The following GALNTL6 variants were observed in gnomAD, a reference collection of about 807,000 sequenced individuals.
GALNTL6 encodes the protein polypeptide N-acetylgalactosaminyltransferase like 6, also known as polypeptide N-acetylgalactosaminyltransferase-like 6.
In GALNTL6, 46 loss-of-function variants were observed where a neutral mutation model predicts 73.7. That is an observed-to-expected ratio of 0.62 (90% CI 0.49 to 0.80). The LOEUF (loss-of-function observed/expected upper bound fraction) is 0.80. Among genes scored for constraint, GALNTL6 ranks in the 30% least tolerant of loss-of-function variants. The pLI, the probability that GALNTL6 is intolerant of heterozygous loss-of-function variation, is 0.00. For missense variants in GALNTL6, 604 were observed against 755.0 expected, an observed-to-expected ratio of 0.80 and a Z score of 2.34; for synonymous variants, 259 against 263.7, an observed-to-expected ratio of 0.98 and a Z score of 0.17.
intron 2 of GALNTL6, among the ~76,000 whole-genome samples, chr4:172,108,078 A>C (rs1004587079): frequency 2.0e-5 from 3 of 152,302 alleles, no homozygotes; most frequent in East Asian, 3.9e-4. Flanking sequence ...TACTCTGGGG[A>C]AACAGTTAAT....
intron 2 of GALNTL6, among the ~76,000 whole-genome samples, chr4:171,856,011 A>G (rs1735680692): frequency 6.6e-6 from 1 of 152,168 alleles, no homozygotes. Flanking sequence ...ATTCTTTATT[A>G]GGTATATATT....
At chr4:172,423,685 T>A (rs2111366888) in intron 5 of GALNTL6, among the ~76,000 whole-genome samples, 1 of 152,272 alleles carries the variant, frequency 6.6e-6, no homozygotes, top group African/African-American at 2.4e-5. Context: ...AATTTTTTCC[T>A]CTACTTTCCT....
chr4:172,451,629 G>A (rs983496006), intron 5 of GALNTL6, among the ~76,000 whole-genome samples: 1 of 152,056 alleles, frequency 6.6e-6, no homozygotes, highest in African/African-American at 2.4e-5. Context: ...TTGAAGAAGT[G>A]GTTATATATA....
intron 5 of GALNTL6, among the ~76,000 whole-genome samples, chr4:172,598,673 C>G (rs190744994): frequency 6.6e-6 from 1 of 152,054 alleles, no homozygotes; most frequent in African/African-American, 2.4e-5. Flanking sequence ...AATTTTGGTA[C>G]CTATCATCCA....
rs547071997 is a variant in GALNTL6, at chr4:172,804,993, A to G, written c.554-4368A>G. 9.8e-5 allele frequency among the ~76,000 whole-genome samples: 15 copies of G among 152,348 alleles called. No individual in the cohort carries two copies. In the East Asian group the frequency reaches 2.9e-3, roughly 29 times the overall value. ...CAACCAATGGGATGCTTTTAAAAGGAAAAACTAAGGATTTGAGGGGACTGA... is the reference window on the plus strand; with the variant it reads ...CAACCAATGGGATGCTTTTAAAAGGGAAAACTAAGGATTTGAGGGGACTGA... On this transcript the variant is annotated intron_variant, in intron 5 of 12. Coordinates refer to ENST00000506823, the MANE Select transcript of GALNTL6 (RefSeq NM_001034845.3).
At chr4:172,592,717 G>T (rs144412170) in intron 5 of GALNTL6, among the ~76,000 whole-genome samples, 2 of 82,342 alleles carry the variant, frequency 2.4e-5, no homozygotes, top group East Asian at 5.5e-4. Context: ...TCTATCTATC[G>T]AGAGAGACTA....
At chr4:172,133,553 TTTG>T (rs1355569973) in intron 2 of GALNTL6, among the ~76,000 whole-genome samples, 1 of 152,166 alleles carries the variant, frequency 6.6e-6, no homozygotes, top group African/African-American at 2.4e-5. Flanking sequence ...CACTCTTGGG[TTTG>T]TGTTGAAACT....
At chr4:172,094,310 A>G (rs1732289317) in intron 2 of GALNTL6, among the ~76,000 whole-genome samples, 2 of 152,344 alleles carry the variant, frequency 1.3e-5, no homozygotes, top group South Asian at 4.1e-4. Flanking sequence ...TTAAGATTGT[A>G]TAACACTGAA....
intron 2 of GALNTL6, among the ~76,000 whole-genome samples, chr4:172,125,585 A>C (rs377420163): frequency 5.3e-5 from 8 of 152,176 alleles, no homozygotes; most frequent in African/African-American, 4.8e-5. Context: ...TTTCCATCAT[A>C]AATTCATCTT....
intron 2 of GALNTL6, among the ~76,000 whole-genome samples, chr4:171,935,740 T>A (rs888082672): frequency 3.3e-5 from 5 of 152,196 alleles, no homozygotes; most frequent in African/African-American, 1.2e-4. Flanking sequence ...AGAGCAAATA[T>A]AAGTAAAATC....
chr4:172,336,271 T>TG (rs1554014951), intron 4 of GALNTL6, among the ~76,000 whole-genome samples: 31 of 3,000 alleles, frequency 0.01, 2 homozygotes, highest in Non-Finnish European at 0.059. Context: ...TATAGTTTTG[T>TG]TTTGTTTTTT....
chr4:172,161,180 G>T (rs184182745), intron 2 of GALNTL6, among the ~76,000 whole-genome samples: 1 of 151,942 alleles, frequency 6.6e-6, no homozygotes, highest in East Asian at 1.9e-4. Flanking sequence ...GAGAATAGAT[G>T]AAAACATAGA....
At chr4:172,081,377 C>A (rs1042023007) in intron 2 of GALNTL6, among the ~76,000 whole-genome samples, 1 of 152,182 alleles carries the variant, frequency 6.6e-6, no homozygotes, top group Non-Finnish European at 1.5e-5. Context: ...TGGTGGCTCA[C>A]GCCTAGAATC....
intron 12 of GALNTL6, among the ~76,000 whole-genome samples, chr4:173,039,487 G>A (rs1486345491): frequency 2.0e-5 from 3 of 151,984 alleles, no homozygotes; most frequent in African/African-American, 7.3e-5. Flanking sequence ...TTGTGTGTGC[G>A]TGTGAGCAGG....
At chr4:172,224,570 G>A (rs529246208) in intron 2 of GALNTL6, among the ~76,000 whole-genome samples, 2 of 152,156 alleles carry the variant, frequency 1.3e-5, no homozygotes, top group East Asian at 3.9e-4. Flanking sequence ...CTCTAACTTA[G>A]AGATAAAGAA....
intron 2 of GALNTL6, among the ~76,000 whole-genome samples, chr4:172,098,954 T>C (rs1273914164): frequency 6.6e-6 from 1 of 152,132 alleles, no homozygotes; most frequent in Non-Finnish European, 1.5e-5. Flanking sequence ...CAGATAATAA[T>C]AGAGAATGTT....
At chr4:172,177,757 GTGTATATATA>G (rs1735057703) in intron 2 of GALNTL6, among the ~76,000 whole-genome samples, 1 of 46,006 alleles carries the variant, frequency 2.2e-5, no homozygotes, top group African/African-American at 6.7e-5. Flanking sequence ...ATATATATGT[GTGTATATATA>G]TGTACACATA....
At chr4:172,445,220 C>T (rs1451658661) in intron 5 of GALNTL6, among the ~76,000 whole-genome samples, 1 of 152,104 alleles carries the variant, frequency 6.6e-6, no homozygotes, top group East Asian at 1.9e-4. Context: ...CATTTTAATT[C>T]TTGCATTTAT....
At chr4:172,530,715 T>C (rs1735141163) in intron 5 of GALNTL6, among the ~76,000 whole-genome samples, 1 of 152,170 alleles carries the variant, frequency 6.6e-6, no homozygotes, top group Non-Finnish European at 1.5e-5. Flanking sequence ...ATTTTTCTTC[T>C]CTAAGGAAAA....
Sources: gnomAD v4.1 joint callset for allele counts (sites outside exome capture counted in the v4.1 genomes callset) on GRCh38, gnomAD v4.1.1 for gene constraint, MANE v1.5 for transcripts, NCBI Gene and HGNC (gene_info 2026-07-23, HGNC 2026-07-21) for gene names.